The following RARB variants were observed in gnomAD, a reference collection of about 807,000 sequenced individuals.
RARB encodes the protein retinoic acid receptor beta.
A neutral mutation model predicts 51.9 loss-of-function variants in RARB; 17 were observed. The observed-to-expected ratio is 0.33, with a 90% CI of 0.22 to 0.49. RARB has a LOEUF of 0.49. Among genes scored for constraint, RARB ranks in the 20% least tolerant of loss-of-function variants. RARB has a pLI of 0.99. For synonymous variants in RARB, 215 were observed against 195.4 expected, an observed-to-expected ratio of 1.10 and a Z score of -0.84; for missense variants, 369 against 550.8, an observed-to-expected ratio of 0.67 and a Z score of 3.30.
intron 2 of RARB, among the ~76,000 whole-genome samples, chr3:24,999,300 C>G (rs1341347884): frequency 6.6e-6 from 1 of 152,134 alleles, no homozygotes; most frequent in Non-Finnish European, 1.5e-5. Flanking sequence ...CCATAAATGT[C>G]TCCAAAAACC....
intron 2 of RARB, among the ~76,000 whole-genome samples, chr3:24,982,714 T>A (rs2125427064): frequency 6.6e-6 from 1 of 152,352 alleles, no homozygotes; most frequent in South Asian, 2.1e-4. Context: ...TAGCTCCAAC[T>A]TCTCCTCTGT....
intron 5 of RARB, among the ~76,000 whole-genome samples, chr3:25,268,093 A>G (rs901110210): frequency 2.0e-5 from 3 of 152,190 alleles, no homozygotes; most frequent in African/African-American, 7.2e-5. Context: ...ATCTTCCCAA[A>G]CAAAAAAAGT....
At chr3:25,518,795 G>A (rs953961004) in intron 3 of RARB, among the ~76,000 whole-genome samples, 1 of 152,008 alleles carries the variant, frequency 6.6e-6, no homozygotes, top group African/African-American at 2.4e-5. Flanking sequence ...TCTTTATTAA[G>A]GTATAACTTA....
chr3:24,883,257 T>C (rs952676043), intron 2 of RARB, among the ~76,000 whole-genome samples: 1 of 152,162 alleles, frequency 6.6e-6, no homozygotes, highest in Non-Finnish European at 1.5e-5. Flanking sequence ...GTCATTGATC[T>C]CTAATTAAAT....
chr3:25,204,539 TC>T (rs775483950), intron 5 of RARB, among the ~76,000 whole-genome samples: 2 of 152,210 alleles, frequency 1.3e-5, no homozygotes, highest in East Asian at 3.8e-4. Flanking sequence ...CTCTGTTTTT[TC>T]CCCATCTGTG....
In RARB at chr3:25,094,348, A is replaced by G. The variant is rs572621780; in HGVS notation, c.-328+34172A>G. 1.9e-3 allele frequency among the ~76,000 whole-genome samples: 295 copies of G among 152,274 alleles called. 1 individual carries two copies. The highest frequency in any genetic ancestry group is 6.9e-3 in the African/African-American group (287 of 41,560). ...CCTAATAGTCATTTATTAAGCACCT[A>G]CTATGTCCTGGGCAAATAGCAAAAA... is the stretch of plus-strand genomic sequence containing the variant. On this transcript the variant is annotated intron_variant, in intron 3 of 11. Coordinates refer to the RARB transcript ENST00000383772.
At chr3:25,347,759 G>A (rs757865017) in intron 5 of RARB, among the ~76,000 whole-genome samples, 28 of 152,172 alleles carry the variant, frequency 1.8e-4, no homozygotes, top group Non-Finnish European at 3.1e-4. Context: ...TGTGACAGGC[G>A]GAAGAGTGAA....
At chr3:25,050,225 C>T (rs1210844104) in intron 2 of RARB, among the ~76,000 whole-genome samples, 1 of 152,022 alleles carries the variant, frequency 6.6e-6, no homozygotes. Flanking sequence ...TGTGCTTCTC[C>T]TTGACTCCCA....
intron 2 of RARB, among the ~76,000 whole-genome samples, chr3:25,007,821 G>A (rs1487978271): frequency 2.6e-5 from 4 of 151,884 alleles, no homozygotes; most frequent in African/African-American, 4.8e-5. Context: ...TGTGATACGT[G>A]TTACATCTCT....
At chr3:25,251,397 T>C (rs536031078) in intron 5 of RARB, among the ~76,000 whole-genome samples, 2 of 152,252 alleles carry the variant, frequency 1.3e-5, no homozygotes, top group East Asian at 3.9e-4. Context: ...AAGAGTGGAA[T>C]TGTTGGGCCA....
chr3:25,536,096 GT>G (rs1699129530), intron 3 of RARB, among the ~76,000 whole-genome samples: 2 of 152,062 alleles, frequency 1.3e-5, no homozygotes, highest in South Asian at 4.1e-4. Context: ...ACTAAACAAT[GT>G]TTTTCCTCTT....
At chr3:25,540,774 A>C (rs537731460) in intron 3 of RARB, among the ~76,000 whole-genome samples, 1 of 152,346 alleles carries the variant, frequency 6.6e-6, no homozygotes, top group South Asian at 2.1e-4. Flanking sequence ...ATGAGCATGT[A>C]TGATTTTTGT....
chr3:25,496,111 A>T (rs1697018643), intron 2 of RARB, among the ~76,000 whole-genome samples: 1 of 152,238 alleles, frequency 6.6e-6, no homozygotes, highest in Admixed American at 6.5e-5. Flanking sequence ...GTATAATCCA[A>T]GACGGTTACT....
chr3:25,299,645 A>G (rs1219749298), intron 5 of RARB, among the ~76,000 whole-genome samples: 2 of 152,240 alleles, frequency 1.3e-5, no homozygotes, highest in African/African-American at 4.8e-5. Context: ...AAAAGTTTTT[A>G]AAAGACCATA....
At chr3:24,939,393 A>G (rs1444349909) in intron 2 of RARB, among the ~76,000 whole-genome samples, 4 of 152,198 alleles carry the variant, frequency 2.6e-5, no homozygotes, top group African/African-American at 4.8e-5. Flanking sequence ...GAACTGTCAA[A>G]TTGTTACATA....
intron 3 of RARB, among the ~76,000 whole-genome samples, chr3:25,520,882 C>T (rs1698373155): frequency 6.6e-6 from 1 of 152,186 alleles, no homozygotes; most frequent in Non-Finnish European, 1.5e-5. Context: ...GCATGATGCA[C>T]TGGCCCATTT....
At chr3:25,193,230 G>A (rs547872230) in intron 5 of RARB, among the ~76,000 whole-genome samples, 2 of 151,944 alleles carry the variant, frequency 1.3e-5, no homozygotes, top group South Asian at 4.1e-4. Context: ...CTTTAATTCT[G>A]TTTACATTCT....
intron 2 of RARB, among the ~76,000 whole-genome samples, chr3:25,008,090 T>C (rs538211774): frequency 1.3e-5 from 2 of 152,246 alleles, no homozygotes; most frequent in African/African-American, 2.4e-5. Context: ...TACAGAGATA[T>C]TAGTATTTGT....
At chr3:25,144,002 C>T (rs544431899) in intron 4 of RARB, among the ~76,000 whole-genome samples, 2 of 152,264 alleles carry the variant, frequency 1.3e-5, no homozygotes, top group East Asian at 3.9e-4. Context: ...ATATTCATAA[C>T]CTTGCCAGAG....
Sources: allele counts gnomAD v4.1 joint callset (sites outside exome capture counted in the v4.1 genomes callset), GRCh38; gene constraint gnomAD v4.1.1; transcripts MANE v1.5; gene names NCBI Gene and HGNC (gene_info 2026-07-23, HGNC 2026-07-21).